ANO4: variants seen among roughly 807,000 people sequenced by gnomAD.
ANO4 encodes anoctamin-4.
In ANO4, 69 loss-of-function variants were observed where a neutral mutation model predicts 141.9. That is an observed-to-expected ratio of 0.49 (90% CI 0.40 to 0.59). The LOEUF is 0.59. ANO4 is among the 20% of genes least tolerant of loss of function. The pLI is 0.00. For synonymous variants in ANO4, 350 were observed against 394.3 expected (o/e 0.89, Z 1.33); for missense variants, 894 against 1,162.2 (o/e 0.77, Z 3.36).
At chr12:100,927,830 C>T (rs2041934275) in intron 3 of ANO4, among the ~76,000 whole-genome samples, 1 of 152,184 alleles carries the variant, frequency 6.6e-6, no homozygotes, top group Non-Finnish European at 1.5e-5. Context: ...TGAATGGCAT[C>T]CATACCCTGA....
chr12:100,961,500 C>T (rs1344985882), intron 5 of ANO4, among the ~76,000 whole-genome samples: 1 of 151,622 alleles, frequency 6.6e-6, no homozygotes, highest in Non-Finnish European at 1.5e-5. Flanking sequence ...AACGAGCTGA[C>T]CTGCAGTAGA....
chr12:100,916,778 A>G (rs796193937), intron 2 of ANO4, among the ~76,000 whole-genome samples: 22 of 152,318 alleles, frequency 1.4e-4, no homozygotes, highest in African/African-American at 5.3e-4. Context: ...GTGGGCCTTG[A>G]AAGCAAGAAG....
intron 17 of ANO4, among the ~76,000 whole-genome samples, chr12:101,089,394 TG>T (rs1453224271): frequency 1.3e-5 from 2 of 151,896 alleles, no homozygotes; most frequent in African/African-American, 4.8e-5. Flanking sequence ...CATTTTGACG[TG>T]ATGTTTGTGC....
chr12:101,044,751 A>T (rs1015131447), intron 13 of ANO4, among the ~76,000 whole-genome samples: 1 of 152,150 alleles, frequency 6.6e-6, no homozygotes, highest in African/African-American at 2.4e-5. Flanking sequence ...GGTTTTAGAA[A>T]GATTTGAGCT....
intron 14 of ANO4, among the ~76,000 whole-genome samples, chr12:101,077,291 T>G (rs1348105933): frequency 6.6e-5 from 10 of 152,218 alleles, no homozygotes; most frequent in African/African-American, 2.4e-4. Flanking sequence ...AAGCTTGTCC[T>G]GTTTCCTCCC....
At chr12:100,793,758 T>C (rs548594248), upstream of ANO4, among the ~76,000 whole-genome samples, 2 of 152,164 alleles carry the variant, frequency 1.3e-5, no homozygotes, top group Admixed American at 1.3e-4. Flanking sequence ...AGAAACTACA[T>C]CCCTATATAA....
chr12:100,734,048 T>C (rs1409318860), intron 2 of ANO4, among the ~76,000 whole-genome samples: 1 of 152,248 alleles, frequency 6.6e-6, no homozygotes, highest in Admixed American at 6.5e-5. Context: ...TGCTTTTGCA[T>C]GGAATTAGAT....
At position 100,847,673 on chromosome 12, in the gene ANO4, G is replaced by A. The variant is rs1002259298; in HGVS notation, c.-141+52646G>A. Among the ~76,000 whole-genome samples, 10 of 151,960 alleles carry A rather than the reference G, an allele frequency of 6.6e-5. No individual in the cohort carries two copies. In the East Asian group the frequency reaches 7.7e-4, roughly 12 times the overall value. On this transcript the variant is annotated intron_variant, in intron 1 of 27. Coordinates refer to ENST00000392977, the MANE Select transcript of ANO4 (RefSeq NM_001286615.2). ...TTTTTAGTAGAGACGGGGTTTCACC[G>A]TGTTAGCCAGGATGGTCTCGATCTC...
At chr12:101,074,485 T>C (rs2048947822) in intron 14 of ANO4, among the ~76,000 whole-genome samples, 1 of 152,200 alleles carries the variant, frequency 6.6e-6, no homozygotes, top group Non-Finnish European at 1.5e-5. Flanking sequence ...GAACTATCCT[T>C]TGGTCACATC....
intron 8 of ANO4, among the ~76,000 whole-genome samples, chr12:100,990,888 G>A (rs1200351324): frequency 2.0e-5 from 3 of 152,182 alleles, no homozygotes; most frequent in Admixed American, 2.0e-4. Context: ...ATAGGATGGA[G>A]TGTTTTGAGG....
chr12:100,717,290 C>T (rs548779422), upstream of ANO4, among the ~76,000 whole-genome samples: 301 of 151,936 alleles, frequency 2.0e-3, 1 homozygote, highest in African/African-American at 7.0e-3. Flanking sequence ...AGCGCGGCTG[C>T]CGGTCTACGC....
Position 100,866,173 on chromosome 12 carries a change from C to T in ANO4, c.-140-35473C>T, listed in dbSNP as rs1426748651. Among the ~76,000 whole-genome samples the T allele has an allele frequency of 3.3e-5, 5 of 152,134 alleles. No homozygotes were observed. In the East Asian group the frequency reaches 5.8e-4, roughly 18 times the overall value. On this transcript the variant is annotated intron_variant, in intron 1 of 27. Transcript: ENST00000392977. ...TCTCTTTGTCCTCTCAGTATATGTG[C>T]TTATCTTTAAGTGAAAAGTTCCTGT...
At chr12:101,106,740 A>G (rs1160019993) in intron 22 of ANO4, among the ~76,000 whole-genome samples, 1 of 151,746 alleles carries the variant, frequency 6.6e-6, no homozygotes, top group East Asian at 1.9e-4. Context: ...TTAAGCAGGT[A>G]TGACAAAATG....
intron 3 of ANO4, among the ~76,000 whole-genome samples, chr12:100,752,643 T>G (rs2032434307): frequency 6.6e-6 from 1 of 152,096 alleles, no homozygotes; most frequent in East Asian, 1.9e-4. Flanking sequence ...TACAAGGAAA[T>G]TATTTCTCTT....
intron 1 of ANO4, among the ~76,000 whole-genome samples, chr12:100,718,053 C>CA (rs34667430): frequency 6.6e-6 from 1 of 151,674 alleles, no homozygotes; most frequent in African/African-American, 2.4e-5. Flanking sequence ...GTTTTTAATG[C>CA]AAAAAAAGAA....
chr12:100,811,637 G>A (rs1373587245), intron 1 of ANO4, among the ~76,000 whole-genome samples: 3 of 152,156 alleles, frequency 2.0e-5, no homozygotes, highest in Non-Finnish European at 4.4e-5. Flanking sequence ...AATCAGAACT[G>A]AATGAGAGTG....
In ANO4 at chr12:101,079,297, A is replaced by G. The variant is rs374702100; in HGVS notation, c.1395+22A>G. On this transcript the variant is annotated intron_variant, in intron 15 of 27. Transcript: ENST00000392977. ...GGAGGTTTGTATCATTTACCTCAGA[A>G]TGTTGTAAAAAGCAAATCACCCAGA... 993 of 1,596,458 alleles carry G rather than the reference A, an allele frequency of 6.2e-4. 16 individuals carry two copies. The South Asian group carries it at 0.01, about 17-fold the overall frequency.
chr12:100,768,975 A>G (rs10778072), intron 3 of ANO4, among the ~76,000 whole-genome samples: 44,431 of 152,078 alleles, frequency 0.29, 6,871 homozygotes, highest in Non-Finnish European at 0.35. Flanking sequence ...TGTGCCTGTG[A>G]TAGCATCTAA....
intron 14 of ANO4, among the ~76,000 whole-genome samples, chr12:101,076,363 T>G (rs377687712): frequency 9.7e-4 from 147 of 152,304 alleles, no homozygotes; most frequent in African/African-American, 3.3e-3. Flanking sequence ...CCAAATCTGC[T>G]GGTGCCTTGA....
Sources: allele counts gnomAD v4.1 joint callset (sites outside exome capture counted in the v4.1 genomes callset), GRCh38; gene constraint gnomAD v4.1.1; transcripts MANE v1.5; gene names NCBI Gene and HGNC (gene_info 2026-07-23, HGNC 2026-07-21).